The following RNF150 variants were observed in gnomAD, a reference collection of about 807,000 sequenced individuals.
The protein encoded by RNF150 is ring finger protein 150.
A neutral mutation model predicts 39.3 loss-of-function variants in RNF150; 24 were observed. The observed-to-expected ratio is 0.61, with a 90% CI of 0.44 to 0.86. The LOEUF (loss-of-function observed/expected upper bound fraction) is 0.86. Among genes scored for constraint, RNF150 ranks in the 40% least tolerant of loss-of-function variants. RNF150 has a pLI of 0.00. For missense variants in RNF150, 502 were observed against 587.8 expected (o/e 0.85, Z 1.51); for synonymous variants, 255 against 227.3 (o/e 1.12, Z -1.10).
upstream of RNF150, among the ~76,000 whole-genome samples, chr4:141,137,764 A>G (rs1292846354): frequency 2.6e-5 from 4 of 152,250 alleles, no homozygotes; most frequent in Admixed American, 2.6e-4. Flanking sequence ...TTACTTTTCC[A>G]AAGGTTTGCC....
chr4:140,977,512 A>C (rs558717257), intron 1 of RNF150, among the ~76,000 whole-genome samples: 174 of 152,252 alleles, frequency 1.1e-3, no homozygotes, highest in Middle Eastern at 3.4e-3. Flanking sequence ...GCCTTGATCA[A>C]GCCACATCTG....
chr4:141,133,800 T>C (rs1336922575), upstream of RNF150, among the ~76,000 whole-genome samples: 3 of 151,928 alleles, frequency 2.0e-5, no homozygotes, highest in Non-Finnish European at 4.4e-5. Flanking sequence ...AAGTGTAAGG[T>C]GGTTTGGTAT....
chr4:141,148,716 C>T (rs1430561108), intron 1 of RNF150, among the ~76,000 whole-genome samples: 5 of 152,354 alleles, frequency 3.3e-5, no homozygotes, highest in African/African-American at 1.2e-4. Context: ...GCTAGGATTA[C>T]AGGCGTGCAC....
At chr4:140,970,781 C>T (rs1452738118) in intron 1 of RNF150, among the ~76,000 whole-genome samples, 1 of 152,242 alleles carries the variant, frequency 6.6e-6, no homozygotes, top group East Asian at 1.9e-4. Flanking sequence ...ATAATATCCA[C>T]TTAGAAAGAC....
intron 6 of RNF150, among the ~76,000 whole-genome samples, chr4:140,904,383 A>G (rs188374588): frequency 6.6e-6 from 1 of 152,362 alleles, no homozygotes; most frequent in African/African-American, 2.4e-5. Flanking sequence ...TGTCCTCACA[A>G]ATCAAAGCAA....
chr4:141,077,767 A>C (rs984025532), intron 1 of RNF150, among the ~76,000 whole-genome samples: 4 of 152,206 alleles, frequency 2.6e-5, no homozygotes, highest in Admixed American at 2.0e-4. Flanking sequence ...AGGATTCTGC[A>C]CCTCCAAAGG....
At chr4:141,056,626 A>G (rs1220290342) in intron 1 of RNF150, among the ~76,000 whole-genome samples, 1 of 151,828 alleles carries the variant, frequency 6.6e-6, no homozygotes, top group Non-Finnish European at 1.5e-5. Flanking sequence ...TATGCAACAG[A>G]AGAAGGAAGA....
intron 1 of RNF150, among the ~76,000 whole-genome samples, chr4:141,166,053 C>T (rs1204403807): frequency 6.6e-6 from 1 of 151,818 alleles, no homozygotes; most frequent in East Asian, 1.9e-4. Flanking sequence ...AGACTACTAG[C>T]CAAACTAATA....
At chr4:141,143,094 T>G (rs1053508946) in intron 1 of RNF150, among the ~76,000 whole-genome samples, 4 of 152,138 alleles carry the variant, frequency 2.6e-5, no homozygotes, top group Non-Finnish European at 1.5e-5. Flanking sequence ...GGTCGCAAAC[T>G]CCTGAGCTCA....
At chr4:141,066,328 T>C (rs1183029884) in intron 1 of RNF150, among the ~76,000 whole-genome samples, 2 of 152,162 alleles carry the variant, frequency 1.3e-5, no homozygotes, top group Non-Finnish European at 2.9e-5. Context: ...ATCTGTAAGA[T>C]TAGCTCATTT....
chr4:140,942,286 T>A (rs1268861067), intron 4 of RNF150, among the ~76,000 whole-genome samples: 1 of 152,206 alleles, frequency 6.6e-6, no homozygotes, highest in Non-Finnish European at 1.5e-5. Flanking sequence ...CTGTAAAGAC[T>A]GAGGCCTGCA....
At chr4:140,907,813 A>G (rs1014549511) in intron 6 of RNF150, among the ~76,000 whole-genome samples, 2 of 152,140 alleles carry the variant, frequency 1.3e-5, no homozygotes, top group Non-Finnish European at 2.9e-5. Context: ...AGTGACATTA[A>G]TCTCTCTATG....
At chr4:141,061,591 T>A (rs1737232395) in intron 1 of RNF150, among the ~76,000 whole-genome samples, 1 of 152,168 alleles carries the variant, frequency 6.6e-6, no homozygotes, top group Admixed American at 6.6e-5. Context: ...GCCACCATAC[T>A]CACTGCAAGA....
intron 1 of RNF150, among the ~76,000 whole-genome samples, chr4:141,018,104 A>C (rs1356821743): frequency 6.6e-6 from 1 of 152,218 alleles, no homozygotes; most frequent in Non-Finnish European, 1.5e-5. Flanking sequence ...TATTAATAGA[A>C]AGCAGGCTCA....
intron 1 of RNF150, among the ~76,000 whole-genome samples, chr4:141,140,250 T>A (rs1727095996): frequency 6.6e-6 from 1 of 152,240 alleles, no homozygotes; most frequent in African/African-American, 2.4e-5. Context: ...AACAATAGGA[T>A]ACCTTGCTAA....
intron 1 of RNF150, among the ~76,000 whole-genome samples, chr4:141,018,063 T>C (rs1243180884): frequency 1.3e-5 from 2 of 152,030 alleles, no homozygotes; most frequent in Non-Finnish European, 2.9e-5. Flanking sequence ...AAATATACTA[T>C]CATTTGATGC....
intron 1 of RNF150, among the ~76,000 whole-genome samples, chr4:141,089,327 GAC>G (rs1268981523): frequency 6.6e-6 from 1 of 152,098 alleles, no homozygotes; most frequent in African/African-American, 2.4e-5. Context: ...ATGGACCAGC[GAC>G]TCTGGTTTAA....
chr4:140,882,678 T>C (rs555245397), intron 6 of RNF150, among the ~76,000 whole-genome samples: 1 of 152,186 alleles, frequency 6.6e-6, no homozygotes, highest in Non-Finnish European at 1.5e-5. Flanking sequence ...TATAATGACA[T>C]TCTTTGTCTC....
At chr4:141,186,869 T>TCTGG (rs1728022521) in intron 1 of RNF150, among the ~76,000 whole-genome samples, 1 of 152,190 alleles carries the variant, frequency 6.6e-6, no homozygotes, top group Non-Finnish European at 1.5e-5. Context: ...TCTGTTCTGA[T>TCTGG]CTTAGTTATT....
Sources: allele counts gnomAD v4.1 joint callset (sites outside exome capture counted in the v4.1 genomes callset), GRCh38; gene constraint gnomAD v4.1.1; transcripts MANE v1.5; gene names NCBI Gene and HGNC (gene_info 2026-07-23, HGNC 2026-07-21).